The following DRC3 variants were observed in gnomAD, a reference collection of about 807,000 sequenced individuals.
DRC3 encodes the protein dynein regulatory complex subunit 3.
Under a neutral mutation model 57.6 loss-of-function variants are expected in DRC3, and 45 were observed. The ratio of observed to expected loss-of-function variants is 0.78; its 90% CI spans 0.62 to 1.00. DRC3 has a LOEUF of 1.00. Among genes scored for constraint, DRC3 ranks in the 50% least tolerant of loss-of-function variants. The pLI, the probability that DRC3 is intolerant of heterozygous loss-of-function variation, is 0.00. For synonymous variants in DRC3, 257 were observed against 272.3 expected, an observed-to-expected ratio of 0.94 and a Z score of 0.55; for missense variants, 655 against 675.2, an observed-to-expected ratio of 0.97 and a Z score of 0.33.
At chr17:18,005,882 T>G in intron 10 of DRC3, 1 of 353,546 alleles carries the variant, frequency 2.8e-6, no homozygotes, top group South Asian at 3.4e-5. Flanking sequence ...GGGTTGGCTG[T>G]GTGTGTGTGT....
chr17:18,013,862 T>C (rs1331342484), intron 12 of DRC3, among the ~76,000 whole-genome samples: 1 of 152,208 alleles, frequency 6.6e-6, no homozygotes, highest in Non-Finnish European at 1.5e-5. Context: ...TCACTATACA[T>C]GATAGGTGTT....
At chr17:18,007,745 CAGACAGAGATACTATGTTG>C (rs1188731166) in intron 12 of DRC3, 9 of 1,174,788 alleles carry the variant, frequency 7.7e-6, no homozygotes, top group Middle Eastern at 3.6e-4. Context: ...ATCAAGGGCC[CAGACAGAGATACTATGTTG>C]TCAGGGCCCA....
At chr17:17,988,766 TGTGGGCC>T (rs1163911261) in intron 5 of DRC3, among the ~76,000 whole-genome samples, 1 of 152,172 alleles carries the variant, frequency 6.6e-6, no homozygotes, top group Non-Finnish European at 1.5e-5. Flanking sequence ...AGATCCCAGC[TGTGGGCC>T]GTGGTGGCTT....
At chr17:17,991,551 C>G (rs557739190) in intron 5 of DRC3, among the ~76,000 whole-genome samples, 16 of 152,166 alleles carry the variant, frequency 1.1e-4, no homozygotes, top group Middle Eastern at 3.4e-3. Flanking sequence ...CTGCCTCAGC[C>G]TCCCATAGTG....
chr17:17,992,893 G>A lies in DRC3; in HGVS notation c.573G>A (p.Arg191=). 6.2e-7 allele frequency: 1 copy of A among 1,613,938 alleles called. No individual in the cohort carries two copies. The highest frequency in any genetic ancestry group is 8.5e-7 in the Non-Finnish European group (1 of 1,179,860). ...YLPDLMYLDY[R]RIDDHTKKLA... ...CTGACCTCATGTACCTGGACTACCG[G>A]CGCATTGATGACCACACAGCAAGTG... Residue 191 remains arginine, a synonymous_variant, in exon 6 of 14, where the codon CGG becomes CGA. Coordinates refer to ENST00000399187, the MANE Select transcript of DRC3 (RefSeq NM_031294.4).
intron 9 of DRC3, among the ~76,000 whole-genome samples, chr17:18,003,982 T>A (rs2043852959): frequency 6.6e-6 from 1 of 152,012 alleles, no homozygotes. Flanking sequence ...ATAATCACTA[T>A]GCCAAAGCGG....
At chr17:18,015,335 C>T (rs1252832146) in intron 12 of DRC3, 1 of 152,220 alleles carries the variant, frequency 6.6e-6, no homozygotes, top group African/African-American at 2.4e-5. Flanking sequence ...TCTGCCTTAC[C>T]AAGCGCCTCT....
At chr17:17,994,231 C>T (rs112220711) in intron 6 of DRC3, 68 bp from the exon 7 acceptor site, 58 of 1,535,648 alleles carry the variant, frequency 3.8e-5, no homozygotes, top group African/African-American at 1.7e-4. Flanking sequence ...ATGGCAGAGG[C>T]GGCATGGCAG....
chr17:17,984,159 A>G (rs1448670832), intron 4 of DRC3, among the ~76,000 whole-genome samples: 5 of 152,212 alleles, frequency 3.3e-5, no homozygotes, highest in African/African-American at 9.7e-5. Flanking sequence ...AGATGTGCTC[A>G]GACACAAGAC....
intron 9 of DRC3, among the ~76,000 whole-genome samples, chr17:17,998,367 G>C (rs1239681801): frequency 1.3e-5 from 2 of 152,218 alleles, no homozygotes; most frequent in Non-Finnish European, 2.9e-5. Context: ...GGGGCCATTG[G>C]GAAGGGCACC....
At chr17:17,974,918 C>T (rs2042311779) in intron 2 of DRC3, among the ~76,000 whole-genome samples, 1 of 152,216 alleles carries the variant, frequency 6.6e-6, no homozygotes, top group African/African-American at 2.4e-5. Context: ...TACGTGATCT[C>T]ACACAAATGC....
rs2145435887 is a variant in DRC3, at chr17:18,008,741, C to T, written c.1326+1594C>T. Among the ~76,000 whole-genome samples the T allele has an allele frequency of 6.6e-6, 1 of 152,354 alleles. No homozygotes were observed. The highest frequency in any genetic ancestry group is 2.1e-4 in the South Asian group (1 of 4,828). On this transcript the variant is annotated intron_variant, in intron 12 of 13. Coordinates refer to ENST00000399187, the MANE Select transcript of DRC3 (RefSeq NM_031294.4). The surrounding 1 kb of genome is among the most constrained non-coding windows in gnomAD (Gnocchi z 4.3). ...ATTGACCAGACACAGGAAAACACCA[C>T]CTTCCCTGTGAAGTAAGGCTGTCCC... is the stretch of plus-strand genomic sequence containing the variant.
chr17:17,992,842 CAA>C lies in DRC3; in HGVS notation c.523_524del (p.Lys175AspfsTer9). ...ACCCTATCTCTGAGGCAGAGGATTACAAGATGTTCATCTGTGCCTACCTTCCT... is the reference window on the plus strand; with the variant it reads ...ACCCTATCTCTGAGGCAGAGGATTACGATGTTCATCTGTGCCTACCTTCCT... ...RNPISEAEDY[K>X]MFICAYLPDL... On this transcript the variant is annotated frameshift_variant, in exon 6 of 14. Transcript: ENST00000399187. LOFTEE classifies it high-confidence loss of function. 6.2e-7 allele frequency: 1 copy of C among 1,613,974 alleles called. No homozygotes were observed. Among genetic ancestry groups the C allele is most frequent in the Non-Finnish European group, 8.5e-7 (1 of 1,179,858 alleles).
rs116269059 is a variant in DRC3 at position 17,995,648 on chromosome 17, G to A, written c.824+537G>A. The A allele has an allele frequency of 6.3e-3, 1,001 of 158,882 alleles. 16 individuals carry two copies. Among genetic ancestry groups the A allele is most frequent in the African/African-American group, 0.023 (956 of 41,612 alleles). 9.8% of individuals were successfully genotyped at this position (158,882 alleles called of 1,614,324 possible). A position where few individuals can be genotyped will look rare whatever the true frequency, so the allele number is the denominator to read the frequency against. ...GGACGTGGTTGGTACCTGTCATTAG[G>A]GCTGAGGCTGTGACCATCGATCAAT... On this transcript the variant is annotated intron_variant, in intron 8 of 13. Transcript: ENST00000399187.
At chr17:18,014,855 C>G (rs2044298815) in intron 12 of DRC3, among the ~76,000 whole-genome samples, 1 of 152,208 alleles carries the variant, frequency 6.6e-6, no homozygotes, top group Non-Finnish European at 1.5e-5. Flanking sequence ...TGGCCTGGGA[C>G]CTTGTACACA....
At position 18,006,550 on chromosome 17, in the gene DRC3, A is replaced by G. The variant is rs114148879; in HGVS notation, c.1202+297A>G. On this transcript the variant is annotated intron_variant, in intron 11 of 13. Coordinates refer to ENST00000399187, the MANE Select transcript of DRC3 (RefSeq NM_031294.4). ...AGGCAACCCCCACGTGGAAGACACT[A>G]TAAGGAGTACATCAGGTGAAATGTT... The G allele has an allele frequency of 1.6e-3, 770 of 479,634 alleles. 8 individuals are homozygous for G. The highest frequency in any genetic ancestry group is 0.012 in the African/African-American group (634 of 51,660). The allele number at this position is 479,634 out of a possible 1,614,324, so 29.7% of individuals were successfully genotyped here.
chr17:18,004,362 G>T lies in DRC3; in HGVS notation c.1000-1G>T. On this transcript the variant is annotated splice_acceptor_variant, in intron 9 of 13. Coordinates refer to ENST00000399187, the MANE Select transcript of DRC3 (RefSeq NM_031294.4). LOFTEE classifies it high-confidence loss of function. ...CCTAAAGTGCAGTCTATTGTTTCTA[G>T]AGTTTAAGTGCCATTCGAGAGGAGT... 6.3e-7 allele frequency: 1 copy of T among 1,599,842 alleles called. No homozygotes were observed. The highest frequency in any genetic ancestry group is 1.1e-5 in the South Asian group (1 of 88,684).
intron 10 of DRC3, chr17:18,005,887 G>A (rs1341084605): frequency 2.5e-6 from 1 of 393,084 alleles, no homozygotes; most frequent in Non-Finnish European, 4.8e-6. Flanking sequence ...GGCTGTGTGT[G>A]TGTGTGTTGG....
intron 5 of DRC3, 162 bp downstream of exon 5, chr17:17,988,260 C>A: frequency 1.3e-6 from 1 of 769,426 alleles, no homozygotes; most frequent in Non-Finnish European, 2.0e-6. Context: ...GGGATTTGCT[C>A]ATGTTTAAAT....
Sources: allele counts gnomAD v4.1 joint callset (sites outside exome capture counted in the v4.1 genomes callset), GRCh38; gene constraint gnomAD v4.1.1; non-coding constraint Gnocchi (gnomAD v3.1); transcripts MANE v1.5; gene names NCBI Gene and HGNC (gene_info 2026-07-23, HGNC 2026-07-21).